The following SSBP1 variants were observed in gnomAD, a reference collection of about 807,000 sequenced individuals.
SSBP1 encodes the protein single-stranded DNA-binding protein, mitochondrial.
A neutral mutation model predicts 27.0 loss-of-function variants in SSBP1; 20 were observed. The observed-to-expected ratio is 0.74, with a 90% CI of 0.52 to 1.08. SSBP1 has a LOEUF of 1.08. SSBP1 is among the 50% of genes least tolerant of loss of function. The probability of loss-of-function intolerance (pLI) is 0.00; values close to 1 mark genes in which losing one functional copy is unlikely to be tolerated. For missense variants in SSBP1, 137 were observed against 182.4 expected (o/e 0.75, Z 1.44); for synonymous variants, 59 against 59.3 (o/e 1.00, Z 0.02).
rs543131081 is a variant in SSBP1 at position 141,743,387 on chromosome 7, A to G, written c.86-174A>G. On this transcript the variant is annotated intron_variant, in intron 3 of 6. Coordinates refer to ENST00000265304, the MANE Select transcript of SSBP1 (RefSeq NM_003143.3). ...AAAGTTCTGAACTCTTCCTGTTCCT[A>G]TAGGGACACCTCACCCTCATGACGT... 8.7e-4 allele frequency among the ~76,000 whole-genome samples: 133 copies of G among 152,304 alleles called. No individual in the cohort carries two copies. In the Middle Eastern group the frequency reaches 0.01, roughly 12 times the overall value.
intron 5 of SSBP1, among the ~76,000 whole-genome samples, chr7:141,745,001 G>A (rs1448392480): frequency 6.6e-6 from 1 of 152,050 alleles, no homozygotes; most frequent in African/African-American, 2.4e-5. Context: ...GGTATACTAA[G>A]CTGATACAGT....
chr7:141,739,289 G>A, intron 2 of SSBP1, 99 bp downstream of exon 2: 1 of 950,114 alleles, frequency 1.1e-6, no homozygotes. Flanking sequence ...AAAGACCTTT[G>A]AGCTCACCCA....
intron 3 of SSBP1, 140 bp from the exon 4 acceptor site, chr7:141,743,421 C>T (rs1799642802): frequency 3.2e-6 from 3 of 944,606 alleles, no homozygotes; most frequent in African/African-American, 3.3e-5. Flanking sequence ...GTCATCTAAG[C>T]CTAATTACCT....
chr7:141,749,284 A>G (rs1269543786), intron 6 of SSBP1, among the ~76,000 whole-genome samples: 1 of 152,176 alleles, frequency 6.6e-6, no homozygotes, highest in East Asian at 1.9e-4. Flanking sequence ...GGACTTGAGC[A>G]TTGTGGATTT....
rs1799763394 is a variant in SSBP1, at chr7:141,745,838, C to T, written c.403+254C>T. 37 of 1,241,288 alleles carry T rather than the reference C, an allele frequency of 3.0e-5. 2 individuals are homozygous for T. In the South Asian group the frequency reaches 8.7e-4, roughly 29 times the overall value. 76.9% of individuals were successfully genotyped at this position (1,241,288 alleles called of 1,614,324 possible). On this transcript the variant is annotated intron_variant, in intron 6 of 6. Coordinates refer to ENST00000265304, the MANE Select transcript of SSBP1 (RefSeq NM_003143.3). ...TGAATAAAGCCTAAAACTGAATTAT[C>T]CATCCCAGTACTTATTGTTGAGAAT...
intron 6 of SSBP1, 87 bp downstream of exon 6, chr7:141,745,671 A>G (rs1359816512): frequency 1.3e-6 from 2 of 1,566,224 alleles, no homozygotes; most frequent in African/African-American, 2.7e-5. Flanking sequence ...ACTAGGGTTA[A>G]GAGTACCAGT....
intron 4 of SSBP1, 53 bp downstream of exon 4, chr7:141,743,754 T>A (rs1318694493): frequency 6.4e-7 from 1 of 1,574,388 alleles, no homozygotes; most frequent in Admixed American, 1.8e-5. Flanking sequence ...TAGATATTAT[T>A]TATTGCCAGT....
At chr7:141,745,366 G>A (rs1799739762) in intron 5 of SSBP1, 130 bp from the exon 6 acceptor site, 1 of 677,660 alleles carries the variant, frequency 1.5e-6, no homozygotes, top group Non-Finnish European at 2.3e-6. Context: ...ACCTTGAGAA[G>A]TGGTAGCAAA....
At chr7:141,745,372 G>A (rs1428699923) in intron 5 of SSBP1, 124 bp from the exon 6 acceptor site, 14 of 739,998 alleles carry the variant, frequency 1.9e-5, no homozygotes, top group Non-Finnish European at 2.6e-5. Context: ...AGAAGTGGTA[G>A]CAAAAATTAG....
intron 2 of SSBP1, chr7:141,739,997 A>G (rs1799465782): frequency 6.6e-6 from 1 of 152,222 alleles, no homozygotes; most frequent in South Asian, 2.1e-4. Context: ...TAAAAGTTTA[A>G]TTTAAAAAAT....
chr7:141,742,216 G>A lies in SSBP1; in HGVS notation c.72G>A (p.Leu24=). 1 of 1,604,298 alleles carries A rather than the reference G, an allele frequency of 6.2e-7. No homozygotes were observed. The highest frequency in any genetic ancestry group is 8.5e-7 in the Non-Finnish European group (1 of 1,172,134). The change falls in exon 3 of 7, where the codon TTG becomes TTA. Residue 24 remains leucine, a synonymous_variant. Transcript: ENST00000265304. ...ATGAGTCCGAAACAACTACCAGTTT[G>A]GTTCTTGAAAGATGTAAGTAGCTAA... ...VRHESETTTS[L]VLERSLNRVH... is the part of the protein sequence containing the mutation.
intron 6 of SSBP1, among the ~76,000 whole-genome samples, chr7:141,747,615 C>T (rs979874259): frequency 3.3e-5 from 5 of 151,762 alleles, no homozygotes; most frequent in African/African-American, 1.2e-4. Flanking sequence ...GTCTCGAACT[C>T]CTGACCTCGT....
At chr7:141,739,285 C>A in intron 2 of SSBP1, 95 bp downstream of exon 2, 1 of 1,016,486 alleles carries the variant, frequency 9.8e-7, no homozygotes, top group Non-Finnish European at 1.4e-6. Flanking sequence ...GGCAAAAGAC[C>A]TTTGAGCTCA....
chr7:141,741,915 G>C (rs142285247), intron 2 of SSBP1: 33 of 625,892 alleles, frequency 5.3e-5, no homozygotes, highest in Middle Eastern at 5.0e-4. Context: ...AAATAAATGG[G>C]AGTACTATAA....
At position 141,743,859 on chromosome 7, in the gene SSBP1, G is replaced by C. The variant is rs376756147; in HGVS notation, c.227-43G>C. The stretch of plus-strand genomic sequence containing the variant: ...TGACATTGGTTTTCCTGGGCATGTT[G>C]TCTGTTGGCATTTGTAACCAATTTC... On this transcript the variant is annotated intron_variant, in intron 4 of 6. Transcript: ENST00000265304. 2.3e-4 allele frequency: 370 copies of C among 1,585,772 alleles called. 1 individual carries two copies. Among genetic ancestry groups the C allele is most frequent in the Non-Finnish European group, 3.1e-4 (357 of 1,167,036 alleles).
chr7:141,743,173 G>A (rs1289860292), intron 3 of SSBP1, among the ~76,000 whole-genome samples: 1 of 152,148 alleles, frequency 6.6e-6, no homozygotes, highest in East Asian at 1.9e-4. Flanking sequence ...TTCTTTAATG[G>A]TCAGCTTAGA....
At chr7:141,747,995 CAA>C (rs926171907) in intron 6 of SSBP1, among the ~76,000 whole-genome samples, 25 of 56,014 alleles carry the variant, frequency 4.5e-4, no homozygotes, top group Non-Finnish European at 3.2e-4. Flanking sequence ...AAGACTCTCT[CAA>C]AAAAAAAAAA....
At chr7:141,743,722 T>C in intron 4 of SSBP1, 21 bp downstream of exon 4, 1 of 1,607,872 alleles carries the variant, frequency 6.2e-7, no homozygotes, top group Non-Finnish European at 8.5e-7. Context: ...AAGACTGGGG[T>C]TTTAATTTTA....
Position 141,750,300 on chromosome 7 carries a change from CTT to C in SSBP1, c.404-6_404-5del, listed in dbSNP as rs1158700382. 2 of 1,586,350 alleles carry C rather than the reference CTT, an allele frequency of 1.3e-6. No homozygotes were observed. The highest frequency in any genetic ancestry group is 3.6e-5 in the Admixed American group (2 of 55,144). On this transcript the variant is annotated splice_polypyrimidine_tract_variant and intron_variant, in intron 6 of 6. Transcript: ENST00000265304. ...TCTGAAATTAATATTTACATTTTGGCTTTTTTACAGATAATATTATATTTCTG... is the reference window on the plus strand; with the variant it reads ...TCTGAAATTAATATTTACATTTTGGCTTTTACAGATAATATTATATTTCTG...
Sources: gnomAD v4.1 joint callset for allele counts (sites outside exome capture counted in the v4.1 genomes callset) on GRCh38, gnomAD v4.1.1 for gene constraint, MANE v1.5 for transcripts, NCBI Gene and HGNC (gene_info 2026-07-23, HGNC 2026-07-21) for gene names.